SRGAP2: variants seen among roughly 807,000 people sequenced by gnomAD.
SRGAP2 encodes SLIT-ROBO Rho GTPase-activating protein 2.
Under a neutral mutation model 57.2 loss-of-function variants are expected in SRGAP2, and 15 were observed. The observed-to-expected ratio is 0.26, with a 90% CI of 0.18 to 0.40. The LOEUF is 0.40. Ranked by LOEUF, SRGAP2 falls within the 10% of genes least tolerant of loss-of-function variation. The pLI is 1.00. For missense variants in SRGAP2, 520 were observed against 669.6 expected (o/e 0.78, Z 2.47); for synonymous variants, 249 against 248.0 (o/e 1.00, Z -0.04).
chr1:206,226,502 A>G (rs1553305524), intron 2 of SRGAP2, among the ~76,000 whole-genome samples: 7 of 152,038 alleles, frequency 4.6e-5, no homozygotes, highest in Non-Finnish European at 1.0e-4. Flanking sequence ...CCTTGCCATC[A>G]ACTATGTGGC....
At chr1:206,363,022 G>C (rs1197245407) in intron 4 of SRGAP2, among the ~76,000 whole-genome samples, 1 of 148,908 alleles carries the variant, frequency 6.7e-6, no homozygotes, top group East Asian at 2.0e-4. Context: ...TTTGCCTTAT[G>C]ATGTCCTTTG....
At position 206,273,146 on chromosome 1, in the gene SRGAP2, G is replaced by T. The variant is rs1344507930; in HGVS notation, c.68-30135G>T. ...GTAGCTGGGGGTTGGCACACAGATGGTTGGAAGTCCTTGGATCTCACTGTG... is the reference window on the plus strand; with the variant it reads ...GTAGCTGGGGGTTGGCACACAGATGTTTGGAAGTCCTTGGATCTCACTGTG... On this transcript the variant is annotated intron_variant, in intron 2 of 22. Coordinates refer to ENST00000573034, the MANE Select transcript of SRGAP2 (RefSeq NM_015326.5). Among the ~76,000 whole-genome samples, 7 of 152,160 alleles carry T rather than the reference G, an allele frequency of 4.6e-5. No individual in the cohort carries two copies. The East Asian group carries it at 9.6e-4, about 21-fold the overall frequency.
At chr1:206,435,144 TA>T (rs1661617047) in intron 14 of SRGAP2, among the ~76,000 whole-genome samples, 1 of 152,224 alleles carries the variant, frequency 6.6e-6, no homozygotes, top group Middle Eastern at 3.2e-3. Context: ...TAAGGCCTAT[TA>T]CAAGCCAGGT....
intron 5 of SRGAP2, among the ~76,000 whole-genome samples, chr1:206,384,994 T>G (rs1442034751): frequency 3.4e-5 from 5 of 148,878 alleles, no homozygotes; most frequent in African/African-American, 1.3e-4. Flanking sequence ...TTTTTTCTTT[T>G]CTTTTCTTCC....
Position 206,454,191 on chromosome 1 carries a change from G to A in SRGAP2, c.2361-687G>A, listed in dbSNP as rs781797090. 1.1e-4 allele frequency: 76 copies of A among 702,160 alleles called. No homozygotes were observed. The highest frequency in any genetic ancestry group is 1.0e-3 in the South Asian group (68 of 67,526). 43.5% of individuals were successfully genotyped at this position (702,160 alleles called of 1,614,324 possible). A position where few individuals can be genotyped will look rare whatever the true frequency, so the allele number is the denominator to read the frequency against. On this transcript the variant is annotated intron_variant, in intron 20 of 22. Coordinates refer to ENST00000573034, the MANE Select transcript of SRGAP2 (RefSeq NM_015326.5). This position sits in a 1 kb window ranked among gnomAD's most constrained non-coding sequence, Gnocchi z 4.3. ...CACCCTCCCAGCCTCTTCCCGGCTC[G>A]TTCTGCAGGGAAATCCTCCCTCTGT...
At chr1:206,443,330 AT>A (rs1553372755) in intron 17 of SRGAP2, among the ~76,000 whole-genome samples, 1 of 152,124 alleles carries the variant, frequency 6.6e-6, no homozygotes, top group East Asian at 1.9e-4. Flanking sequence ...AATGTTATCC[AT>A]TTTAGGTATT....
chr1:206,321,190 A>T (rs557606986), intron 3 of SRGAP2, among the ~76,000 whole-genome samples: 2 of 146,094 alleles, frequency 1.4e-5, no homozygotes, highest in East Asian at 3.9e-4. Flanking sequence ...AATGTCCCTT[A>T]ATTTGATATT....
intron 2 of SRGAP2, among the ~76,000 whole-genome samples, chr1:206,210,683 T>C (rs1553302286): frequency 6.7e-6 from 1 of 148,366 alleles, no homozygotes; most frequent in Non-Finnish European, 1.5e-5. Context: ...TTTTCATTCA[T>C]GCCAACAAAG....
chr1:206,427,566 C>G (rs1298783856), intron 13 of SRGAP2, among the ~76,000 whole-genome samples: 2 of 152,098 alleles, frequency 1.3e-5, no homozygotes, highest in East Asian at 1.9e-4. Context: ...CTCAGCCTGA[C>G]TTTTTTGTGA....
At chr1:206,353,870 G>A (rs1337427511) in intron 4 of SRGAP2, among the ~76,000 whole-genome samples, 14 of 141,652 alleles carry the variant, frequency 9.9e-5, no homozygotes, top group Admixed American at 6.5e-4. Context: ...TGTGATCATA[G>A]CTCACCGTAC....
At chr1:206,276,988 GAGT>G in intron 2 of SRGAP2, among the ~76,000 whole-genome samples, 1 of 150,964 alleles carries the variant, frequency 6.6e-6, no homozygotes, top group East Asian at 1.9e-4. Context: ...TTTTGAGACG[GAGT>G]TTTGCTCCTG....
At chr1:206,364,363 G>A (rs1417171224) in intron 4 of SRGAP2, among the ~76,000 whole-genome samples, 12 of 145,038 alleles carry the variant, frequency 8.3e-5, no homozygotes, top group Middle Eastern at 3.6e-3. Flanking sequence ...AGTGCAGTGC[G>A]CGATCTTGAC....
chr1:206,331,785 A>C lies in SRGAP2; in HGVS notation c.261-11061A>C, dbSNP rs1237456389. Among the ~76,000 whole-genome samples, 3 of 111,650 alleles carry C rather than the reference A, an allele frequency of 2.7e-5. 1 individual carries two copies. The highest frequency in any genetic ancestry group is 1.6e-4 in the African/African-American group (3 of 19,290). 73.2% of individuals were successfully genotyped at this position (111,650 alleles called of 152,430 possible). A position where few individuals can be genotyped will look rare whatever the true frequency, so the allele number is the denominator to read the frequency against. On this transcript the variant is annotated intron_variant, in intron 3 of 22. Coordinates refer to ENST00000573034, the MANE Select transcript of SRGAP2 (RefSeq NM_015326.5). ...CCAACTTGCCAGTCTGTGTCTTTTA[A>C]GTGGAGAATTTAGTCCATTTACATT...
intron 2 of SRGAP2, among the ~76,000 whole-genome samples, chr1:206,254,466 A>G (rs1436912490): frequency 2.2e-5 from 3 of 138,062 alleles, no homozygotes; most frequent in Non-Finnish European, 4.6e-5. Context: ...TATCGTAATG[A>G]GCTCATAGAT....
At chr1:206,357,224 A>G (rs1411473771) in intron 4 of SRGAP2, among the ~76,000 whole-genome samples, 5 of 148,260 alleles carry the variant, frequency 3.4e-5, no homozygotes, top group African/African-American at 1.0e-4. Context: ...TGTTAAAGTA[A>G]TACTGAGCTT....
intron 16 of SRGAP2, among the ~76,000 whole-genome samples, chr1:206,438,316 C>T (rs1451728021): frequency 2.6e-5 from 4 of 151,912 alleles, no homozygotes; most frequent in Non-Finnish European, 5.9e-5. Context: ...AGTCAGTACT[C>T]CTGGCCTTTT....
intron 2 of SRGAP2, among the ~76,000 whole-genome samples, chr1:206,265,729 T>A (rs1198009026): frequency 2.6e-5 from 4 of 152,244 alleles, no homozygotes; most frequent in Non-Finnish European, 5.9e-5. Context: ...AATCTAATCA[T>A]AATTTCAAGG....
chr1:206,314,016 G>C (rs1470442893), intron 3 of SRGAP2, among the ~76,000 whole-genome samples: 1 of 151,688 alleles, frequency 6.6e-6, no homozygotes, highest in Non-Finnish European at 1.5e-5. Context: ...ATAAAAGAAA[G>C]AGGTCTGTAA....
rs1339692363 is a variant in SRGAP2 at position 206,396,093 on chromosome 1, C to T, written c.831+2420C>T. Among the ~76,000 whole-genome samples the T allele has an allele frequency of 1.6e-3, 240 of 149,378 alleles. 1 individual carries two copies. The highest frequency in any genetic ancestry group is 5.4e-3 in the African/African-American group (219 of 40,276). On this transcript the variant is annotated intron_variant, in intron 7 of 22. Transcript: ENST00000573034. Reference sequence around the variant, plus strand: ...CGCCTCCCAGGTTCACGCCATTCTCCTGCCTCAGCCTCCCGAGTAGCTGGG... The same window carrying T: ...CGCCTCCCAGGTTCACGCCATTCTCTTGCCTCAGCCTCCCGAGTAGCTGGG...
Sources: gnomAD v4.1 joint callset for allele counts (sites outside exome capture counted in the v4.1 genomes callset) on GRCh38, gnomAD v4.1.1 for gene constraint, Gnocchi (gnomAD v3.1) non-coding constraint, MANE v1.5 for transcripts, NCBI Gene and HGNC (gene_info 2026-07-23, HGNC 2026-07-21) for gene names.